CDKAL1: variants seen among roughly 807,000 people sequenced by gnomAD.
CDKAL1 encodes CDKAL1 threonylcarbamoyladenosine tRNA methylthiotransferase, also known as threonylcarbamoyladenosine tRNA methylthiotransferase.
CDKAL1 carries 32 observed loss-of-function variants against 68.2 expected under a neutral mutation model. The ratio of observed to expected loss-of-function variants is 0.47; its 90% CI spans 0.35 to 0.63. The LOEUF (loss-of-function observed/expected upper bound fraction) is 0.63. Among genes scored for constraint, CDKAL1 ranks in the 30% least tolerant of loss-of-function variants. The pLI is 0.00. For missense variants in CDKAL1, 606 were observed against 696.7 expected, an observed-to-expected ratio of 0.87 and a Z score of 1.47; for synonymous variants, 234 against 244.3, an observed-to-expected ratio of 0.96 and a Z score of 0.39.
chr6:20,713,722 A>G (rs1410770654), intron 5 of CDKAL1, among the ~76,000 whole-genome samples: 3 of 152,276 alleles, frequency 2.0e-5, no homozygotes, highest in African/African-American at 4.8e-5. Flanking sequence ...ACAAAACAAC[A>G]TCTAAGCTCA....
chr6:20,905,891 T>C (rs1185310236), intron 9 of CDKAL1, among the ~76,000 whole-genome samples: 2 of 12,078 alleles, frequency 1.7e-4, no homozygotes, highest in African/African-American at 5.6e-4. Context: ...TAAGACATTC[T>C]CGGTAAACAA....
chr6:20,687,718 A>AT (rs1290542249), intron 5 of CDKAL1, among the ~76,000 whole-genome samples: 2 of 151,672 alleles, frequency 1.3e-5, no homozygotes, highest in Non-Finnish European at 2.9e-5. Flanking sequence ...TAGAGAGGGG[A>AT]TTTTGCCATG....
At chr6:20,777,749 A>G (rs766799200) in intron 7 of CDKAL1, among the ~76,000 whole-genome samples, 2 of 152,238 alleles carry the variant, frequency 1.3e-5, no homozygotes, top group Non-Finnish European at 2.9e-5. Context: ...GCCTGCAACT[A>G]TGGAGAGTAC....
intron 13 of CDKAL1, among the ~76,000 whole-genome samples, chr6:21,111,028 A>G (rs1030695302): frequency 1.3e-5 from 2 of 152,156 alleles, no homozygotes; most frequent in African/African-American, 4.8e-5. Context: ...GTACAATAAA[A>G]TAAGATTGCC....
chr6:20,646,623 A>C (rs1241401547), intron 4 of CDKAL1, among the ~76,000 whole-genome samples: 1 of 152,132 alleles, frequency 6.6e-6, no homozygotes, highest in Non-Finnish European at 1.5e-5. Context: ...ATACTTCTTG[A>C]GGGGTCCTAT....
chr6:21,010,277 C>T (rs1014487739), intron 11 of CDKAL1, among the ~76,000 whole-genome samples: 3 of 152,146 alleles, frequency 2.0e-5, no homozygotes, highest in Non-Finnish European at 4.4e-5. Flanking sequence ...AGTATGTGTA[C>T]GTGTTTTAAA....
chr6:20,906,456 T>A (rs6920918), intron 9 of CDKAL1, among the ~76,000 whole-genome samples: 89,552 of 151,888 alleles, frequency 0.59, 26,403 homozygotes, highest in Middle Eastern at 0.65. Context: ...AATACACAGA[T>A]GTTCCTCAAC....
At chr6:21,137,274 A>T (rs1447861844) in intron 13 of CDKAL1, among the ~76,000 whole-genome samples, 1 of 152,216 alleles carries the variant, frequency 6.6e-6, no homozygotes, top group Non-Finnish European at 1.5e-5. Context: ...TGAGTTAAAG[A>T]TATTGTTCTT....
chr6:21,004,995 G>A (rs1250363744), intron 11 of CDKAL1, among the ~76,000 whole-genome samples: 1 of 151,982 alleles, frequency 6.6e-6, no homozygotes, highest in Non-Finnish European at 1.5e-5. Flanking sequence ...TTTAAAATAT[G>A]TATCTTATAT....
intron 9 of CDKAL1, among the ~76,000 whole-genome samples, chr6:20,859,694 A>T (rs1447599759): frequency 6.6e-6 from 1 of 152,254 alleles, no homozygotes; most frequent in African/African-American, 2.4e-5. Context: ...AAGATTAAGC[A>T]GTGGCTTCTT....
intron 5 of CDKAL1, among the ~76,000 whole-genome samples, chr6:20,688,200 C>A (rs1353850651): frequency 2.6e-5 from 4 of 151,368 alleles, no homozygotes; most frequent in Non-Finnish European, 5.9e-5. Context: ...ATATGTCATG[C>A]ATAGGTATAG....
At chr6:20,753,232 A>AT (rs1180197470) in intron 6 of CDKAL1, among the ~76,000 whole-genome samples, 1 of 151,084 alleles carries the variant, frequency 6.6e-6, no homozygotes, top group African/African-American at 2.4e-5. Flanking sequence ...AGATTTTCTT[A>AT]TTTTGGACAT....
At chr6:20,714,375 GTTCTTTTT>G (rs1771986287) in intron 5 of CDKAL1, among the ~76,000 whole-genome samples, 1 of 83,572 alleles carries the variant, frequency 1.2e-5, no homozygotes, top group Non-Finnish European at 2.5e-5. Flanking sequence ...ACTATTGTCT[GTTCTTTTT>G]TTTTTTTTTT....
intron 4 of CDKAL1, among the ~76,000 whole-genome samples, chr6:20,647,220 C>T (rs1768515201): frequency 6.6e-6 from 1 of 152,050 alleles, no homozygotes; most frequent in African/African-American, 2.4e-5. Context: ...TGTAGCAGGC[C>T]CTGTAATAAG....
chr6:20,799,320 G>T (rs1164923095), intron 8 of CDKAL1, among the ~76,000 whole-genome samples: 2 of 151,942 alleles, frequency 1.3e-5, no homozygotes, highest in African/African-American at 4.8e-5. Context: ...CCAAAGTGTT[G>T]GGATTACAGG....
At chr6:20,594,987 T>G (rs74698285) in intron 4 of CDKAL1, among the ~76,000 whole-genome samples, 2 of 152,214 alleles carry the variant, frequency 1.3e-5, no homozygotes, top group African/African-American at 4.8e-5. Context: ...TTAAGAATGT[T>G]GAATATTGGC....
chr6:20,952,045 G>A (rs1409480428), intron 9 of CDKAL1, among the ~76,000 whole-genome samples: 2 of 142,610 alleles, frequency 1.4e-5, no homozygotes, highest in Non-Finnish European at 3.0e-5. Context: ...TGTAAGCTCC[G>A]CCTCCCAGGT....
rs922389439 is a variant in CDKAL1 at position 21,136,666 on chromosome 6, CT to C, written c.1299+28212del. Among the ~76,000 whole-genome samples the C allele has an allele frequency of 7.9e-5, 12 of 151,716 alleles. 2 individuals are homozygous for C. In the East Asian group the frequency reaches 2.3e-3, roughly 29 times the overall value. Reference sequence around the variant, plus strand: ...TTCTCCTAAGAACTAAAAATGTGTACTTTTTTTTTCTAAGATGGATATTTAG... The same window carrying C: ...TTCTCCTAAGAACTAAAAATGTGTACTTTTTTTTCTAAGATGGATATTTAG... On this transcript the variant is annotated intron_variant, in intron 13 of 15. Coordinates refer to ENST00000274695, the MANE Select transcript of CDKAL1 (RefSeq NM_017774.3).
At chr6:20,554,027 C>A (rs1408612209) in intron 4 of CDKAL1, among the ~76,000 whole-genome samples, 1 of 150,728 alleles carries the variant, frequency 6.6e-6, no homozygotes, top group Non-Finnish European at 1.5e-5. Context: ...GCCATGTTGG[C>A]CAGACTGGTC....
Sources: gnomAD v4.1 joint callset for allele counts (sites outside exome capture counted in the v4.1 genomes callset) on GRCh38, gnomAD v4.1.1 for gene constraint, MANE v1.5 for transcripts, NCBI Gene and HGNC (gene_info 2026-07-23, HGNC 2026-07-21) for gene names.